The following INPP5A variants were observed in gnomAD, a reference collection of about 807,000 sequenced individuals.
INPP5A encodes 43 kDa inositol polyphosphate 5-phophatase.
INPP5A carries 14 observed loss-of-function variants against 65.2 expected under a neutral mutation model. The observed-to-expected ratio is 0.21, with a 90% CI of 0.14 to 0.34. The LOEUF (loss-of-function observed/expected upper bound fraction) is 0.34. Among genes scored for constraint, INPP5A ranks in the 10% least tolerant of loss-of-function variants. The pLI is 1.00. For missense variants in INPP5A, 431 were observed against 545.6 expected, an observed-to-expected ratio of 0.79 and a Z score of 2.09; for synonymous variants, 207 against 208.3, an observed-to-expected ratio of 0.99 and a Z score of 0.05.
In INPP5A at chr10:132,659,688, G is replaced by A. The variant is rs2072709602; in HGVS notation, c.306+9183G>A. On this transcript the variant is annotated intron_variant, in intron 4 of 15. Coordinates refer to ENST00000368594, the MANE Select transcript of INPP5A (RefSeq NM_005539.5). This position sits in a 1 kb window ranked among gnomAD's most constrained non-coding sequence, Gnocchi z 5.5. The stretch of plus-strand genomic sequence containing the variant: ...GCACGCAGGCCCACAGCAAGGGCCG[G>A]ATCAGGAGAACAACCCACTTGGCAG... Among the ~76,000 whole-genome samples, 1 of 152,226 alleles carries A rather than the reference G, an allele frequency of 6.6e-6. No homozygotes were observed. The highest frequency in any genetic ancestry group is 6.5e-5 in the Admixed American group (1 of 15,284).
At chr10:132,715,802 G>C (rs1246556915) in intron 8 of INPP5A, among the ~76,000 whole-genome samples, 1 of 152,222 alleles carries the variant, frequency 6.6e-6, no homozygotes, top group Non-Finnish European at 1.5e-5. Flanking sequence ...GGCTCTTGCT[G>C]GTCGTGGGCT....
chr10:132,648,225 G>A lies in INPP5A; in HGVS notation c.219-2193G>A, dbSNP rs1030956762. Among the ~76,000 whole-genome samples the A allele has an allele frequency of 7.2e-5, 11 of 152,266 alleles. No homozygotes were observed. The South Asian group carries it at 1.0e-3, about 14-fold the overall frequency. ...GTGCACCCTGAGCACGGAGGACGCCGCCCTCACAGCAGGCGGGGACACCGC... is the reference window on the plus strand; with the variant it reads ...GTGCACCCTGAGCACGGAGGACGCCACCCTCACAGCAGGCGGGGACACCGC... On this transcript the variant is annotated intron_variant, in intron 3 of 15. Transcript: ENST00000368594.
At chr10:132,614,151 G>A (rs113867990) in intron 2 of INPP5A, among the ~76,000 whole-genome samples, 3,538 of 152,206 alleles carry the variant, frequency 0.023, 49 homozygotes, top group South Asian at 0.039. Flanking sequence ...AGCTTGGCAC[G>A]CCTTCCCAAG....
At chr10:132,722,621 G>A (rs1294718000) in intron 8 of INPP5A, among the ~76,000 whole-genome samples, 5 of 152,230 alleles carry the variant, frequency 3.3e-5, no homozygotes, top group Admixed American at 6.5e-5. Context: ...TTTAATCTGC[G>A]GTGTCGTGAG....
At chr10:132,658,919 T>G (rs1160803116) in intron 4 of INPP5A, among the ~76,000 whole-genome samples, 2 of 151,536 alleles carry the variant, frequency 1.3e-5, no homozygotes, top group Non-Finnish European at 2.9e-5. Context: ...TGGGGCAGTT[T>G]GAAAAGATAG....
At chr10:132,631,885 C>T (rs2133374645) in intron 2 of INPP5A, among the ~76,000 whole-genome samples, 1 of 152,344 alleles carries the variant, frequency 6.6e-6, no homozygotes, top group South Asian at 2.1e-4. Flanking sequence ...GGTAGGAGCA[C>T]CTGCTTTTTC....
rs73397355 is a variant in INPP5A at position 132,586,661 on chromosome 10, C to A, written c.76-21254C>A. Among the ~76,000 whole-genome samples the A allele has an allele frequency of 2.9e-3, 448 of 152,366 alleles. 2 individuals carry two copies. Among genetic ancestry groups the A allele is most frequent in the African/African-American group, 0.01 (428 of 41,584 alleles). ...GGAGTGAAATGGCTGGTTACGGATA[C>A]GTGCGCCAGAGCCTCGTGGTGATGG... On this transcript the variant is annotated intron_variant, in intron 1 of 15. Transcript: ENST00000368594.
At chr10:132,765,568 G>T (rs1051753173) in intron 11 of INPP5A, among the ~76,000 whole-genome samples, 1 of 152,188 alleles carries the variant, frequency 6.6e-6, no homozygotes, top group Non-Finnish European at 1.5e-5. Context: ...TCTATAACGG[G>T]CAGGGCAGGT....
At chr10:132,560,271 T>C (rs2071186086) in intron 1 of INPP5A, among the ~76,000 whole-genome samples, 2 of 152,218 alleles carry the variant, frequency 1.3e-5, no homozygotes, top group South Asian at 4.1e-4. Flanking sequence ...TGTCTTCAGC[T>C]CTCTTGGGTG....
At position 132,555,194 on chromosome 10, in the gene INPP5A, G is replaced by T. The variant is rs1168554698; in HGVS notation, c.75+17023G>T. 6.6e-6 allele frequency among the ~76,000 whole-genome samples: 1 copy of T among 152,084 alleles called. No individual in the cohort carries two copies. The highest frequency in any genetic ancestry group is 1.9e-4 in the East Asian group (1 of 5,182). ...GGTGGGGGGGTGTGGATGGCAAGCG[G>T]CAGGACCAGGTGCTGCAGGCTGGGT... On this transcript the variant is annotated intron_variant, in intron 1 of 15. Coordinates refer to ENST00000368594, the MANE Select transcript of INPP5A (RefSeq NM_005539.5). The surrounding 1 kb of genome is among the most constrained non-coding windows in gnomAD (Gnocchi z 4.4).
chr10:132,597,255 C>T (rs1195422141), intron 1 of INPP5A, among the ~76,000 whole-genome samples: 4 of 152,218 alleles, frequency 2.6e-5, no homozygotes, highest in African/African-American at 9.6e-5. Flanking sequence ...AGAACCTTTT[C>T]TGTTCTTCTC....
intron 4 of INPP5A, among the ~76,000 whole-genome samples, chr10:132,657,215 G>A (rs894830475): frequency 5.9e-5 from 9 of 152,348 alleles, no homozygotes; most frequent in African/African-American, 1.7e-4. Flanking sequence ...GCCACAGCAC[G>A]TGGCCGCTGG....
intron 5 of INPP5A, among the ~76,000 whole-genome samples, chr10:132,696,355 A>G (rs1845343874): frequency 6.6e-6 from 1 of 152,200 alleles, no homozygotes. Flanking sequence ...AATACCCAGA[A>G]TAGCCCAGAG....
intron 4 of INPP5A, among the ~76,000 whole-genome samples, chr10:132,662,769 C>T (rs1316964533): frequency 1.3e-5 from 2 of 152,212 alleles, no homozygotes; most frequent in African/African-American, 2.4e-5. Context: ...TCTCTGCTCC[C>T]ACCCTTTCAT....
At chr10:132,557,340 G>A (rs778334743) in intron 1 of INPP5A, among the ~76,000 whole-genome samples, 2 of 152,246 alleles carry the variant, frequency 1.3e-5, no homozygotes, top group Non-Finnish European at 2.9e-5. Context: ...GTGGGCTCCT[G>A]CAGCAGTGCC....
At chr10:132,597,739 G>A (rs528892254) in intron 1 of INPP5A, among the ~76,000 whole-genome samples, 6 of 151,938 alleles carry the variant, frequency 3.9e-5, no homozygotes, top group South Asian at 2.1e-4. Context: ...CCTGTGGTGC[G>A]TCCTGCGGGG....
chr10:132,696,849 G>T (rs1173281427), intron 5 of INPP5A, among the ~76,000 whole-genome samples: 1 of 152,134 alleles, frequency 6.6e-6, no homozygotes, highest in Non-Finnish European at 1.5e-5. Flanking sequence ...AGCACCCAGG[G>T]CTGGGCCAGA....
chr10:132,731,200 A>C (rs1425646821), intron 9 of INPP5A, among the ~76,000 whole-genome samples: 1 of 152,192 alleles, frequency 6.6e-6, no homozygotes, highest in Admixed American at 6.5e-5. Context: ...GTGAGAGGTC[A>C]GAGAACAGAG....
chr10:132,561,143 A>T (rs1186444891), intron 1 of INPP5A, among the ~76,000 whole-genome samples: 1 of 149,244 alleles, frequency 6.7e-6, no homozygotes, highest in Non-Finnish European at 1.5e-5. Context: ...GTTCATTGCA[A>T]CCTCGACCTC....
Sources: gnomAD v4.1 joint callset for allele counts (sites outside exome capture counted in the v4.1 genomes callset) on GRCh38, gnomAD v4.1.1 for gene constraint, Gnocchi (gnomAD v3.1) non-coding constraint, MANE v1.5 for transcripts, NCBI Gene and HGNC (gene_info 2026-07-23, HGNC 2026-07-21) for gene names.